Variants in KCNJ3 observed in about 807,000 individuals in gnomAD.
The protein encoded by KCNJ3 is G protein-activated inward rectifier potassium channel 1.
KCNJ3 carries 4 observed loss-of-function variants against 39.2 expected under a neutral mutation model. That is an observed-to-expected ratio of 0.10 (90% CI 0.05 to 0.23). KCNJ3 has a LOEUF of 0.23. Among genes scored for constraint, KCNJ3 ranks in the 10% least tolerant of loss-of-function variants. KCNJ3 has a pLI of 1.00. For synonymous variants in KCNJ3, 230 were observed against 237.4 expected (o/e 0.97, Z 0.29); for missense variants, 276 against 634.9 (o/e 0.43, Z 6.08).
chr2:154,788,877 G>T (rs770231232), intron 2 of KCNJ3, among the ~76,000 whole-genome samples: 1 of 151,850 alleles, frequency 6.6e-6, no homozygotes, highest in Non-Finnish European at 1.5e-5. Flanking sequence ...AAAAAATGAG[G>T]ATATGCTGGA....
chr2:154,738,453 C>T (rs1294757246), intron 2 of KCNJ3, among the ~76,000 whole-genome samples: 1 of 151,922 alleles, frequency 6.6e-6, no homozygotes, highest in Non-Finnish European at 1.5e-5. Flanking sequence ...AATAAATGCC[C>T]AAGGGGATGG....
At chr2:154,780,255 G>A (rs191245399) in intron 2 of KCNJ3, among the ~76,000 whole-genome samples, 16 of 152,312 alleles carry the variant, frequency 1.1e-4, no homozygotes, top group African/African-American at 3.8e-4. Context: ...ATTAAGGTGT[G>A]TGTGTGTACA....
At chr2:154,801,420 A>G (rs1471680714) in intron 2 of KCNJ3, among the ~76,000 whole-genome samples, 3 of 152,028 alleles carry the variant, frequency 2.0e-5, no homozygotes, top group Non-Finnish European at 4.4e-5. Context: ...ACCAGGAAGG[A>G]ATTTTTTCTA....
At chr2:154,787,073 GA>G (rs1191590720) in intron 2 of KCNJ3, among the ~76,000 whole-genome samples, 1 of 151,504 alleles carries the variant, frequency 6.6e-6, no homozygotes, top group East Asian at 1.9e-4. Context: ...ATGACCACTA[GA>G]AAAAAAGGGT....
chr2:154,737,673 A>G (rs1055752910), intron 2 of KCNJ3, among the ~76,000 whole-genome samples: 1 of 152,352 alleles, frequency 6.6e-6, no homozygotes, highest in African/African-American at 2.4e-5. Context: ...GATGAAAAAT[A>G]AACTGTATGG....
At chr2:154,703,612 A>G (rs1426753332) in intron 1 of KCNJ3, among the ~76,000 whole-genome samples, 1 of 152,004 alleles carries the variant, frequency 6.6e-6, no homozygotes, top group Non-Finnish European at 1.5e-5. Context: ...GTGGTCTGAA[A>G]GACCATATAT....
At chr2:154,800,166 C>T (rs2105216109) in intron 2 of KCNJ3, among the ~76,000 whole-genome samples, 1 of 152,286 alleles carries the variant, frequency 6.6e-6, no homozygotes, top group East Asian at 1.9e-4. Flanking sequence ...GTCTGGTCTT[C>T]ACTGACTTAT....
chr2:154,766,893 C>T (rs562144666), intron 2 of KCNJ3, among the ~76,000 whole-genome samples: 15 of 152,008 alleles, frequency 9.9e-5, no homozygotes, highest in African/African-American at 2.4e-4. Context: ...CTGTTAATGC[C>T]GAAACTAAAC....
At chr2:154,802,837 T>G (rs1686843361) in intron 2 of KCNJ3, among the ~76,000 whole-genome samples, 1 of 152,134 alleles carries the variant, frequency 6.6e-6, no homozygotes. Flanking sequence ...GACTTTTAGT[T>G]GGCTTTTAAA....
At chr2:154,837,180 T>C (rs969193522) in intron 2 of KCNJ3, among the ~76,000 whole-genome samples, 1 of 152,330 alleles carries the variant, frequency 6.6e-6, no homozygotes, top group Middle Eastern at 3.4e-3. Context: ...TGCATCTATC[T>C]GTGTATAATT....
intron 2 of KCNJ3, among the ~76,000 whole-genome samples, chr2:154,835,380 G>T (rs1362408651): frequency 6.7e-6 from 1 of 149,608 alleles, no homozygotes; most frequent in Non-Finnish European, 1.5e-5. Flanking sequence ...ATATTTAAGG[G>T]TAAATATCAC....
At chr2:154,713,146 G>C (rs1685128360) in intron 2 of KCNJ3, among the ~76,000 whole-genome samples, 1 of 151,954 alleles carries the variant, frequency 6.6e-6, no homozygotes, top group South Asian at 2.1e-4. Flanking sequence ...TCATTAAAAA[G>C]CAGAGCCTGT....
chr2:154,705,729 A>C (rs1684996955), intron 1 of KCNJ3, among the ~76,000 whole-genome samples: 1 of 152,188 alleles, frequency 6.6e-6, no homozygotes, highest in Non-Finnish European at 1.5e-5. Flanking sequence ...AGAATTATCA[A>C]AAAATACCTA....
intron 2 of KCNJ3, among the ~76,000 whole-genome samples, chr2:154,745,070 A>G (rs1685716551): frequency 6.6e-6 from 1 of 151,840 alleles, no homozygotes; most frequent in African/African-American, 2.4e-5. Flanking sequence ...GTTTGATTCC[A>G]TTGTGTTCAG....
At chr2:154,735,824 C>T (rs1014654777) in intron 2 of KCNJ3, among the ~76,000 whole-genome samples, 2 of 152,136 alleles carry the variant, frequency 1.3e-5, no homozygotes, top group Non-Finnish European at 2.9e-5. Context: ...TCTTTCACTT[C>T]TCCTGCCCTA....
chr2:154,742,293 A>G (rs551951828), intron 2 of KCNJ3, among the ~76,000 whole-genome samples: 3 of 151,796 alleles, frequency 2.0e-5, no homozygotes, highest in Non-Finnish European at 4.4e-5. Context: ...AGGTACTTGC[A>G]TTGCTTCCAT....
chr2:154,770,892 C>CTTTTTTTTTTTTTTT (rs35293315), intron 2 of KCNJ3, among the ~76,000 whole-genome samples: 1 of 127,686 alleles, frequency 7.8e-6, no homozygotes, highest in Non-Finnish European at 1.6e-5. Flanking sequence ...TTTTCTTTTT[C>CTTTTTTTTTTTTTTT]TTTTTTTTTT....
At position 154,760,511 on chromosome 2, in the gene KCNJ3, A is replaced by G. The variant is rs924777781; in HGVS notation, c.919+50692A>G. Among the ~76,000 whole-genome samples the G allele has an allele frequency of 7.3e-5, 11 of 151,704 alleles. No individual in the cohort carries two copies. In the South Asian group the frequency reaches 1.9e-3, roughly 26 times the overall value. The stretch of plus-strand genomic sequence containing the variant: ...ATCTTAATTACTTTGAGCAAATTCA[A>G]TTTTTCCAAATGTTGTGAAGTTTTG... On this transcript the variant is annotated intron_variant, in intron 2 of 2. Transcript: ENST00000295101.
chr2:154,768,810 T>A (rs866340746), intron 2 of KCNJ3, among the ~76,000 whole-genome samples: 2 of 152,250 alleles, frequency 1.3e-5, no homozygotes, highest in Non-Finnish European at 2.9e-5. Flanking sequence ...TGATTCTTCC[T>A]ATCCATGAGC....
Sources: gnomAD v4.1 joint callset for allele counts (sites outside exome capture counted in the v4.1 genomes callset) on GRCh38, gnomAD v4.1.1 for gene constraint, MANE v1.5 for transcripts, NCBI Gene and HGNC (gene_info 2026-07-23, HGNC 2026-07-21) for gene names.